DDX20: variants seen among roughly 807,000 people sequenced by gnomAD.
The protein encoded by DDX20 is DEAD-box helicase 20.
In DDX20, 61 loss-of-function variants were observed where a neutral mutation model predicts 76.4. The observed-to-expected ratio is 0.80, with a 90% CI of 0.65 to 0.99. The LOEUF is 0.99. Among genes scored for constraint, DDX20 ranks in the 50% least tolerant of loss-of-function variants. The pLI is 0.00. For missense variants in DDX20, 976 were observed against 996.8 expected (o/e 0.98, Z 0.28); for synonymous variants, 357 against 357.4 (o/e 1.00, Z 0.01).
rs1232302921 is a variant in DDX20, at chr1:111,762,564, C to T, written c.1105-113C>T. 1.2e-5 allele frequency: 12 copies of T among 968,782 alleles called. 1 individual carries two copies. Among genetic ancestry groups the T allele is most frequent in the Middle Eastern group, 2.2e-4 (1 of 4,540 alleles). The allele number at this position is 968,782 out of a possible 1,614,324, so 60.0% of individuals were successfully genotyped here. A position where few individuals can be genotyped will look rare whatever the true frequency, so the allele number is the denominator to read the frequency against. ...ATGAATTTCCTTTTCCTCTGCTCCT[C>T]AGTATTCAGTTCTTAATTTGTCTCT... On this transcript the variant is annotated intron_variant, in intron 8 of 10. Transcript: ENST00000369702.
At chr1:111,762,623 A>T (rs1052720949) in intron 8 of DDX20, 54 bp from the exon 9 acceptor site, 15 of 1,390,892 alleles carry the variant, frequency 1.1e-5, no homozygotes, top group Non-Finnish European at 1.4e-5. Context: ...ATGCATTGGT[A>T]TCCATGCTGT....
intron 9 of DDX20, 62 bp downstream of exon 9, chr1:111,762,844 G>T (rs1212684974): frequency 6.4e-7 from 1 of 1,559,960 alleles, no homozygotes; most frequent in African/African-American, 1.4e-5. Context: ...AATGTGACAG[G>T]TGGGCTTTGA....
At chr1:111,757,864 A>AT (rs1246569947) in intron 2 of DDX20, among the ~76,000 whole-genome samples, 7 of 149,318 alleles carry the variant, frequency 4.7e-5, no homozygotes, top group East Asian at 4.0e-4. Context: ...TCATCAACTC[A>AT]TTTTTTTTTG....
chr1:111,756,113 C>T lies in DDX20; in HGVS notation c.189C>T (p.Asp63=), dbSNP rs1663543777. The change falls in exon 1 of 11, where the codon GAC becomes GAT. Residue 63 remains aspartate, a synonymous_variant. Coordinates refer to ENST00000369702, the MANE Select transcript of DDX20 (RefSeq NM_007204.5). The part of the protein sequence containing the change: ...TGDVLLAEPA[D]FESLLLSRPV... ...ATGTGCTGTTGGCGGAGCCGGCCGA[C>T]TTCGAGTCACTGCTGCTTTCGCGGC... 1 of 1,596,108 alleles carries T rather than the reference C, an allele frequency of 6.3e-7. No homozygotes were observed. The highest frequency in any genetic ancestry group is 2.2e-5 in the East Asian group (1 of 44,676).
intron 2 of DDX20, among the ~76,000 whole-genome samples, chr1:111,757,479 A>G (rs1057381794): frequency 1.3e-4 from 20 of 152,190 alleles, no homozygotes; most frequent in African/African-American, 4.8e-4. Context: ...CATTTCTCCA[A>G]CAAAGGTTTG....
intron 7 of DDX20, chr1:111,761,994 CA>C: frequency 3.2e-6 from 1 of 310,366 alleles, no homozygotes; most frequent in Non-Finnish European, 5.9e-6. Context: ...TGTAACTTTG[CA>C]AATAGAATGT....
chr1:111,760,850 T>C lies in DDX20; in HGVS notation c.823+2T>C. The C allele has an allele frequency of 6.2e-7, 1 of 1,607,810 alleles. No homozygotes were observed. Among genetic ancestry groups the C allele is most frequent in the African/African-American group, 1.3e-5 (1 of 74,700 alleles). ...ATTCCAGTGATCCAAGTCTCATAGG[T>C]GTGTACAGCTTTTAGGTACTTATAT... is the stretch of plus-strand genomic sequence containing the variant. On this transcript the variant is annotated splice_donor_variant, in intron 5 of 10. Transcript: ENST00000369702. LOFTEE classifies it high-confidence loss of function.
chr1:111,757,132 A>C (rs947827637), intron 2 of DDX20, among the ~76,000 whole-genome samples: 1 of 151,198 alleles, frequency 6.6e-6, no homozygotes, highest in African/African-American at 2.4e-5. Context: ...TGCTCACTGC[A>C]ACCTTGAACT....
chr1:111,756,377 T>A, intron 1 of DDX20, 152 bp downstream of exon 1: 1 of 846,880 alleles, frequency 1.2e-6, no homozygotes, highest in Non-Finnish European at 1.7e-6. Context: ...TACGCTCAGT[T>A]AACTTATTTG....
At position 111,759,535 on chromosome 1, in the gene DDX20, C is replaced by A; in HGVS notation, c.532C>A (p.Leu178Ile). Residue 178 changes from leucine (L) to isoleucine (I), a missense_variant, in exon 3 of 11, where the codon CTT (leucine) becomes ATT (isoleucine). Leu to Ile is a conservative substitution (Grantham distance 5). Transcript: ENST00000369702. ...CCCATTATCACAAGACAAAACCAGA[C>A]TTAAAAAGTGTCATATTGCTGTTGG... ...GTPLSQDKTR[L>I]KKCHIAVGSP... 6.2e-7 allele frequency: 1 copy of A among 1,613,536 alleles called. No homozygotes were observed. The highest frequency in any genetic ancestry group is 8.5e-7 in the Non-Finnish European group (1 of 1,179,826).
chr1:111,762,906 G>T lies in DDX20; in HGVS notation c.1211G>T (p.Gly404Val). The T allele has an allele frequency of 4.3e-6, 7 of 1,613,288 alleles. No individual in the cohort carries two copies. The highest frequency in any genetic ancestry group is 5.9e-6 in the Non-Finnish European group (7 of 1,179,360). Reference protein sequence around the residue: ...MHRIGRAGRFGTLGLTVTYCC... With the variant: ...MHRIGRAGRFVTLGLTVTYCC... ...TACCTAACATTCTCTCTGCTTTTAGGTACATTGGGGCTGACAGTGACCTAC... is the reference window on the plus strand; with the variant it reads ...TACCTAACATTCTCTCTGCTTTTAGTTACATTGGGGCTGACAGTGACCTAC... The change falls in exon 10 of 11, where the codon GGT becomes GTT. Residue 404 changes from glycine (G) to valine (V), a missense_variant and splice_region_variant. By Grantham distance (109) the Gly-to-Val change is moderately radical. Around this residue, in one of 3 missense-constraint regions of DDX20, gnomAD observed 630 missense variants for 693.7 expected, o/e 0.91. Transcript: ENST00000369702.
At chr1:111,759,115 A>G (rs1663620319) in intron 2 of DDX20, among the ~76,000 whole-genome samples, 1 of 152,238 alleles carries the variant, frequency 6.6e-6, no homozygotes, top group Admixed American at 6.5e-5. Flanking sequence ...GGTATTATAA[A>G]TAATCTAGAG....
At chr1:111,762,630 C>A in intron 8 of DDX20, 47 bp from the exon 9 acceptor site, 1 of 1,453,846 alleles carries the variant, frequency 6.9e-7, no homozygotes. Flanking sequence ...GGTATCCATG[C>A]TGTATAGTTA....
chr1:111,758,319 T>G (rs960479693), intron 2 of DDX20, among the ~76,000 whole-genome samples: 2 of 150,968 alleles, frequency 1.3e-5, no homozygotes, highest in African/African-American at 4.9e-5. Flanking sequence ...AGAGAGAAAC[T>G]GCTATTAACA....
At position 111,760,412 on chromosome 1, in the gene DDX20, T is replaced by C. The variant is rs566929798; in HGVS notation, c.566-62T>C. On this transcript the variant is annotated intron_variant, in intron 3 of 10. Coordinates refer to ENST00000369702, the MANE Select transcript of DDX20 (RefSeq NM_007204.5). ...GTAAGTAATAAGTAGAGTAACAATA[T>C]TGGCTGAGATTTACACAAATTTGGT... 67 of 1,146,204 alleles carry C rather than the reference T, an allele frequency of 5.8e-5. No homozygotes were observed. The South Asian group carries it at 7.3e-4, about 12-fold the overall frequency. The allele number at this position is 1,146,204 out of a possible 1,614,324, so 71.0% of individuals were successfully genotyped here.
At chr1:111,760,122 C>G (rs143571521) in intron 3 of DDX20, among the ~76,000 whole-genome samples, 433 of 152,196 alleles carry the variant, frequency 2.8e-3, no homozygotes, top group African/African-American at 9.2e-3. Flanking sequence ...AGGAGAAATG[C>G]AGTGACTTTC....
At chr1:111,756,371 C>G in intron 1 of DDX20, 146 bp downstream of exon 1, 1 of 851,446 alleles carries the variant, frequency 1.2e-6, no homozygotes, top group Non-Finnish European at 1.7e-6. Flanking sequence ...AGGCGCTACG[C>G]TCAGTTAACT....
intron 3 of DDX20, 93 bp from the exon 4 acceptor site, chr1:111,760,378 GAAC>G: frequency 1.2e-6 from 1 of 855,076 alleles, no homozygotes; most frequent in Admixed American, 2.6e-5. Context: ...AAATTCAGCA[GAAC>G]AACCTGTAAG....
rs752309199 is a variant in DDX20 at position 111,756,748 on chromosome 1, A to T, written c.396+8A>T. ...GAAAACTTAAGTACCCAGGTGAGTT[A>T]GCTGAGAGGACCAGAGGAGGATGTG... On this transcript the variant is annotated splice_region_variant and intron_variant, in intron 2 of 10. Coordinates refer to ENST00000369702, the MANE Select transcript of DDX20 (RefSeq NM_007204.5). 3.1e-6 allele frequency: 5 copies of T among 1,607,942 alleles called. No homozygotes were observed. Among genetic ancestry groups the T allele is most frequent in the Non-Finnish European group, 3.4e-6 (4 of 1,174,318 alleles).
Sources: allele counts gnomAD v4.1 joint callset (sites outside exome capture counted in the v4.1 genomes callset), GRCh38; gene constraint gnomAD v4.1.1; regional missense constraint gnomAD v4.1.1; transcripts MANE v1.5; gene names NCBI Gene and HGNC (gene_info 2026-07-23, HGNC 2026-07-21).